The following ME3 variants were observed in gnomAD, a reference collection of about 807,000 sequenced individuals.
ME3 encodes the protein NADP-dependent malic enzyme, mitochondrial.
In ME3, 48 loss-of-function variants were observed where a neutral mutation model predicts 68.9. The ratio of observed to expected loss-of-function variants is 0.70; its 90% CI spans 0.55 to 0.89. The LOEUF (loss-of-function observed/expected upper bound fraction) is 0.89. Among genes scored for constraint, ME3 ranks in the 40% least tolerant of loss-of-function variants. The pLI is 0.00. For synonymous variants in ME3, 320 were observed against 318.8 expected (o/e 1.00, Z -0.04); for missense variants, 675 against 797.4 (o/e 0.85, Z 1.85).
intron 4 of ME3, among the ~76,000 whole-genome samples, chr11:86,527,293 A>C (rs1954833690): frequency 6.6e-6 from 1 of 152,208 alleles, no homozygotes; most frequent in Admixed American, 6.5e-5. Flanking sequence ...AATGAAATGA[A>C]GTGAGAAGAG....
At chr11:86,498,110 A>G (rs942070507) in exon 6 of ME3, 3 of 1,611,628 alleles carry the variant, frequency 1.9e-6, no homozygotes, top group Non-Finnish European at 2.5e-6. Flanking sequence ...GCTCCCCATC[A>G]GTCACCACCA....
At chr11:86,435,331 G>A in the ME3 span, 1 of 152,158 alleles carries the variant, frequency 6.6e-6, no homozygotes, top group Admixed American at 6.5e-5. Flanking sequence ...GAAAAAGATG[G>A]AAAAATTATA....
intron 4 of ME3, among the ~76,000 whole-genome samples, chr11:86,527,231 T>A (rs1003971187): frequency 1.3e-5 from 2 of 152,170 alleles, no homozygotes; most frequent in African/African-American, 4.8e-5. Context: ...CAAGCCTCAG[T>A]AGCTGATTGG....
At chr11:86,659,804 C>T (rs559987826) in intron 2 of ME3, among the ~76,000 whole-genome samples, 5 of 152,148 alleles carry the variant, frequency 3.3e-5, no homozygotes, top group Non-Finnish European at 5.9e-5. Context: ...AGACTGGGAG[C>T]GTTATAATGG....
At position 86,569,021 on chromosome 11, in the gene ME3, G is replaced by A. The variant is rs372881885; in HGVS notation, c.184-9198C>T. On this transcript the variant is annotated intron_variant, in intron 2 of 14. Coordinates refer to ENST00000543262, the Ensembl canonical transcript of ME3. ...TGAAGTGCTGCCCATTTCATGTGTT[G>A]TGGGATTAGATGAAATAATGCAGGT... Among the ~76,000 whole-genome samples the A allele has an allele frequency of 7.9e-5, 12 of 152,350 alleles. No homozygotes were observed. The East Asian group carries it at 2.1e-3, about 27-fold the overall frequency.
intron 4 of ME3, among the ~76,000 whole-genome samples, chr11:86,541,085 A>C (rs1163471859): frequency 6.7e-6 from 1 of 149,146 alleles, no homozygotes; most frequent in African/African-American, 2.5e-5. Flanking sequence ...GGAATGTGCC[A>C]TGAGGAACAG....
chr11:86,535,540 TAAGGGATA>T (rs368675600), intron 4 of ME3, among the ~76,000 whole-genome samples: 219 of 152,270 alleles, frequency 1.4e-3, no homozygotes, highest in African/African-American at 4.6e-3. Context: ...ACTTTGCAAA[TAAGGGATA>T]AAGTCTATCC....
chr11:86,475,874 T>TATATATATATATATATATATAGAGAGAG, intron 7 of ME3, among the ~76,000 whole-genome samples: 1 of 91,472 alleles, frequency 1.1e-5, no homozygotes, highest in African/African-American at 5.0e-5. Context: ...TATATATATA[T>TATATATATATATATATATATAGAGAGAG]AGAGAGAGAG....
intron 4 of ME3, among the ~76,000 whole-genome samples, chr11:86,516,103 G>A (rs1312803591): frequency 6.6e-6 from 1 of 152,134 alleles, no homozygotes; most frequent in Non-Finnish European, 1.5e-5. Context: ...AATAGAAGCA[G>A]TCATGGAAAT....
At chr11:86,467,148 A>G (rs1362156092) in intron 7 of ME3, among the ~76,000 whole-genome samples, 8 of 152,250 alleles carry the variant, frequency 5.3e-5, no homozygotes, top group Non-Finnish European at 1.5e-5. Flanking sequence ...CCATCACCCC[A>G]TATAGTTACT....
intron 4 of ME3, among the ~76,000 whole-genome samples, chr11:86,511,694 G>A (rs1953537364): frequency 1.3e-5 from 2 of 152,184 alleles, no homozygotes; most frequent in Admixed American, 1.3e-4. Flanking sequence ...GAAAGGGCCT[G>A]ACCTCTGCTG....
intron 2 of ME3, among the ~76,000 whole-genome samples, chr11:86,582,703 A>T (rs760547975): frequency 6.6e-5 from 10 of 152,186 alleles, no homozygotes; most frequent in Non-Finnish European, 4.4e-5. Flanking sequence ...TAAAAACTGC[A>T]TACTGCTAAA....
chr11:86,525,041 G>T (rs1197180128), intron 4 of ME3, among the ~76,000 whole-genome samples: 4 of 152,184 alleles, frequency 2.6e-5, no homozygotes, highest in Non-Finnish European at 5.9e-5. Flanking sequence ...TCAGGGATAA[G>T]TTCCAGTGAG....
At chr11:86,526,619 G>T (rs1372765801) in intron 4 of ME3, among the ~76,000 whole-genome samples, 1 of 152,232 alleles carries the variant, frequency 6.6e-6, no homozygotes, top group Admixed American at 6.5e-5. Context: ...GCAACATCCA[G>T]TAGGGGCAGA....
At chr11:86,613,067 A>G (rs1942704897) in intron 2 of ME3, among the ~76,000 whole-genome samples, 2 of 152,086 alleles carry the variant, frequency 1.3e-5, no homozygotes, top group African/African-American at 4.8e-5. Context: ...TCTTTACTCC[A>G]TCTTGAGTTA....
chr11:86,553,586 T>C (rs1163076052), intron 4 of ME3, among the ~76,000 whole-genome samples: 1 of 152,188 alleles, frequency 6.6e-6, no homozygotes, highest in African/African-American at 2.4e-5. Flanking sequence ...GAATGTCACA[T>C]GTCAGATAAC....
intron 2 of ME3, among the ~76,000 whole-genome samples, chr11:86,625,589 A>G (rs1217346604): frequency 1.3e-5 from 2 of 152,162 alleles, no homozygotes; most frequent in African/African-American, 4.8e-5. Context: ...CCATGTATTC[A>G]ACCATGCAAT....
At chr11:86,579,240 G>A (rs985563852) in intron 2 of ME3, among the ~76,000 whole-genome samples, 5 of 151,714 alleles carry the variant, frequency 3.3e-5, no homozygotes, top group Admixed American at 6.6e-5. Flanking sequence ...GGCTGGTTTC[G>A]TGCCCAGCAG....
intron 2 of ME3, among the ~76,000 whole-genome samples, chr11:86,594,716 G>A (rs546427): frequency 0.93 from 134,466 of 145,112 alleles, 63,284 homozygotes; most frequent in African/African-American, 0.98. Context: ...ACAAAAAAAC[G>A]AAACAAAGTC....
Sources: allele counts gnomAD v4.1 joint callset (sites outside exome capture counted in the v4.1 genomes callset), GRCh38; gene constraint gnomAD v4.1.1; transcripts MANE v1.5; gene names NCBI Gene and HGNC (gene_info 2026-07-23, HGNC 2026-07-21).